Variants in WWOX observed in about 807,000 individuals in gnomAD.
The protein encoded by WWOX is WW domain-containing oxidoreductase.
Under a neutral mutation model 46.2 loss-of-function variants are expected in WWOX, and 69 were observed. The ratio of observed to expected loss-of-function variants is 1.49; its 90% CI spans 1.23 to 1.82. The LOEUF (loss-of-function observed/expected upper bound fraction) is 1.82, where lower values mean the gene tolerates loss of function less well. Among genes scored for constraint, WWOX ranks in the 40% most tolerant of loss-of-function variants. The pLI, the probability that WWOX is intolerant of heterozygous loss-of-function variation, is 0.00. For synonymous variants in WWOX, 359 were observed against 202.6 expected, an observed-to-expected ratio of 1.77 and a Z score of -6.56; for missense variants, 919 against 542.6, an observed-to-expected ratio of 1.69 and a Z score of -6.89.
In WWOX at chr16:78,149,816, T is replaced by C. The variant is rs116141227; in HGVS notation, c.410-14367T>C. The stretch of plus-strand genomic sequence containing the variant: ...GCCTGGTGGGGGCATTCCAGGCTGG[T>C]TTCTCCTGCCTCCAGGAGCTGCTTC... On this transcript the variant is annotated intron_variant, in intron 4 of 8. Transcript: ENST00000566780. Among the ~76,000 whole-genome samples the C allele has an allele frequency of 6.5e-3, 983 of 152,280 alleles. 9 individuals carry two copies. Among genetic ancestry groups the C allele is most frequent in the African/African-American group, 0.023 (936 of 41,562 alleles).
At chr16:79,152,394 G>C (rs1052990482) in intron 8 of WWOX, among the ~76,000 whole-genome samples, 2 of 152,012 alleles carry the variant, frequency 1.3e-5, no homozygotes, top group African/African-American at 4.8e-5. Flanking sequence ...CTGCCCAGCC[G>C]GGCGCAGTGT....
intron 8 of WWOX, among the ~76,000 whole-genome samples, chr16:78,519,178 T>C (rs2043297846): frequency 6.6e-6 from 1 of 152,280 alleles, no homozygotes; most frequent in East Asian, 1.9e-4. Flanking sequence ...ATCTCATCTC[T>C]AAAACGAGGC....
chr16:78,789,065 A>G (rs973166501), intron 8 of WWOX, among the ~76,000 whole-genome samples: 1 of 152,212 alleles, frequency 6.6e-6, no homozygotes, highest in African/African-American at 2.4e-5. Context: ...AGTTTTAACA[A>G]CAAAAGTTTG....
At chr16:78,471,099 GTTT>G (rs1349583885) in intron 8 of WWOX, among the ~76,000 whole-genome samples, 1 of 152,184 alleles carries the variant, frequency 6.6e-6, no homozygotes, top group Non-Finnish European at 1.5e-5. Flanking sequence ...AGCCTTAGCG[GTTT>G]TCTTGCTTCT....
chr16:78,715,075 A>C (rs1340456263), intron 8 of WWOX, among the ~76,000 whole-genome samples: 1 of 152,092 alleles, frequency 6.6e-6, no homozygotes, highest in African/African-American at 2.4e-5. Context: ...GAGCCCAGGA[A>C]TTTGAGACCA....
chr16:78,831,496 C>G (rs541430430), intron 8 of WWOX, among the ~76,000 whole-genome samples: 4 of 152,302 alleles, frequency 2.6e-5, no homozygotes, highest in East Asian at 1.9e-4. Flanking sequence ...TGAGTATACA[C>G]TGGTACCCTA....
intron 6 of WWOX, among the ~76,000 whole-genome samples, chr16:78,409,464 C>T (rs191835068): frequency 2.0e-5 from 3 of 152,180 alleles, no homozygotes; most frequent in Non-Finnish European, 4.4e-5. Flanking sequence ...CAGAAATATT[C>T]TGGGTGTCGC....
chr16:79,167,799 G>A (rs2050624206), intron 8 of WWOX, among the ~76,000 whole-genome samples: 1 of 152,250 alleles, frequency 6.6e-6, no homozygotes, highest in Admixed American at 6.5e-5. Flanking sequence ...CACTTCAGTG[G>A]CATTTAGTGA....
intron 8 of WWOX, among the ~76,000 whole-genome samples, chr16:78,728,054 C>T (rs868205078): frequency 7.1e-5 from 7 of 98,518 alleles, no homozygotes; most frequent in African/African-American, 4.2e-4. Context: ...CTCCCTCCTT[C>T]CTTTTTTTTT....
Position 78,350,286 on chromosome 16 carries a change from TGATA to T in WWOX, c.517-36573_517-36570del, listed in dbSNP as rs1267122031. On this transcript the variant is annotated intron_variant, in intron 5 of 8. Transcript: ENST00000566780. ...TGTAAATTTTCTCAAGCTACTTTAT[TGATA>T]TATAACACAGATACATAAACTTTGC... Among the ~76,000 whole-genome samples, 6 of 121,854 alleles carry T rather than the reference TGATA, an allele frequency of 4.9e-5. 2 individuals are homozygous for T. Among genetic ancestry groups the T allele is most frequent in the Non-Finnish European group, 7.9e-5 (4 of 50,914 alleles). The allele number at this position is 121,854 out of a possible 152,430, so 79.9% of individuals were successfully genotyped here. A position where few individuals can be genotyped will look rare whatever the true frequency, so the allele number is the denominator to read the frequency against.
intron 8 of WWOX, among the ~76,000 whole-genome samples, chr16:78,807,817 T>G (rs184349246): frequency 2.5e-3 from 374 of 152,348 alleles, no homozygotes; most frequent in African/African-American, 8.6e-3. Flanking sequence ...TAAACTGAAA[T>G]GAATTAAAGT....
chr16:79,050,938 G>A (rs556269269), intron 8 of WWOX, among the ~76,000 whole-genome samples: 2 of 152,344 alleles, frequency 1.3e-5, no homozygotes, highest in South Asian at 4.1e-4. Context: ...GGAGAAACGA[G>A]AAATTACAGC....
intron 8 of WWOX, among the ~76,000 whole-genome samples, chr16:78,802,106 G>T (rs1183053866): frequency 1.3e-5 from 2 of 151,594 alleles, no homozygotes; most frequent in African/African-American, 4.9e-5. Context: ...GAATGTGCCT[G>T]TGCGTGAATC....
chr16:78,837,840 A>G (rs1338917111), intron 8 of WWOX, among the ~76,000 whole-genome samples: 2 of 152,214 alleles, frequency 1.3e-5, no homozygotes, highest in African/African-American at 4.8e-5. Context: ...TTTCATAGTC[A>G]TCCTGTGTAG....
rs71137889 is a variant in WWOX at position 78,345,458 on chromosome 16, CAAAAAAAAAAAAAAAAAAAAA to C, written c.517-41386_517-41366del. Among the ~76,000 whole-genome samples, 31 of 26,778 alleles carry C rather than the reference CAAAAAAAAAAAAAAAAAAAAA, an allele frequency of 1.2e-3. 3 individuals carry two copies. Among genetic ancestry groups the C allele is most frequent in the African/African-American group, 2.3e-3 (27 of 11,860 alleles). The allele number at this position is 26,778 out of a possible 152,430, so 17.6% of individuals were successfully genotyped here. A position where few individuals can be genotyped will look rare whatever the true frequency, so the allele number is the denominator to read the frequency against. On this transcript the variant is annotated intron_variant, in intron 5 of 8. Coordinates refer to ENST00000566780, the MANE Select transcript of WWOX (RefSeq NM_016373.4). ...CACCATGGCAAAACCCCATCGCTAC[CAAAAAAAAAAAAAAAAAAAAA>C]AAAAAAAAAAAAAAATTTTAGTCGG...
intron 8 of WWOX, among the ~76,000 whole-genome samples, chr16:78,592,379 A>G (rs1016543250): frequency 6.6e-6 from 1 of 152,180 alleles, no homozygotes; most frequent in Non-Finnish European, 1.5e-5. Context: ...ATTGAACACC[A>G]TTTCTCAGAA....
intron 1 of WWOX, among the ~76,000 whole-genome samples, chr16:78,100,540 T>A (rs1198900956): frequency 2.0e-5 from 3 of 152,204 alleles, no homozygotes; most frequent in Non-Finnish European, 4.4e-5. Flanking sequence ...CGTGAGCCAC[T>A]GCGCCTAGCC....
At chr16:78,627,456 C>T (rs914852974) in intron 8 of WWOX, among the ~76,000 whole-genome samples, 2 of 152,202 alleles carry the variant, frequency 1.3e-5, no homozygotes, top group African/African-American at 4.8e-5. Flanking sequence ...TCTCCAAGGC[C>T]TCTTCCAATC....
At chr16:78,252,871 G>A (rs763603167) in intron 5 of WWOX, among the ~76,000 whole-genome samples, 24 of 152,130 alleles carry the variant, frequency 1.6e-4, no homozygotes, top group Non-Finnish European at 2.9e-4. Context: ...CATTACAAAT[G>A]GCAATAAGGA....
Sources: gnomAD v4.1 joint callset for allele counts (sites outside exome capture counted in the v4.1 genomes callset) on GRCh38, gnomAD v4.1.1 for gene constraint, MANE v1.5 for transcripts, NCBI Gene and HGNC (gene_info 2026-07-23, HGNC 2026-07-21) for gene names.